ADAMTS9: variants seen among roughly 807,000 people sequenced by gnomAD.
The protein encoded by ADAMTS9 is ADAM metallopeptidase with thrombospondin type 1 motif 9.
Under a neutral mutation model 257.1 loss-of-function variants are expected in ADAMTS9, and 107 were observed. That is an observed-to-expected ratio of 0.42 (90% CI 0.36 to 0.49). The LOEUF is 0.49. Among genes scored for constraint, ADAMTS9 ranks in the 20% least tolerant of loss-of-function variants. ADAMTS9 has a pLI of 0.03. For synonymous variants in ADAMTS9, 982 were observed against 880.9 expected, an observed-to-expected ratio of 1.11 and a Z score of -2.03; for missense variants, 2,353 against 2,469.1, an observed-to-expected ratio of 0.95 and a Z score of 1.00.
intron 4 of ADAMTS9, 96 bp downstream of exon 4, chr3:64,658,406 C>T: frequency 7.7e-7 from 1 of 1,291,946 alleles, no homozygotes; most frequent in South Asian, 1.5e-5. Flanking sequence ...GCTGAAATGC[C>T]AGTTCTGAAT....
chr3:64,578,029 C>T (rs2083897917), intron 28 of ADAMTS9, among the ~76,000 whole-genome samples: 1 of 152,128 alleles, frequency 6.6e-6, no homozygotes, highest in Admixed American at 6.5e-5. Flanking sequence ...CGGGAAGCAG[C>T]TTATGTAATT....
intron 11 of ADAMTS9, among the ~76,000 whole-genome samples, chr3:64,646,901 C>A (rs1187128102): frequency 6.6e-6 from 1 of 152,084 alleles, no homozygotes; most frequent in Non-Finnish European, 1.5e-5. Flanking sequence ...ACAAGTTACT[C>A]ATTGTGAGAC....
chr3:64,574,747 C>T (rs1372160658), intron 28 of ADAMTS9, among the ~76,000 whole-genome samples: 1 of 151,686 alleles, frequency 6.6e-6, no homozygotes, highest in Non-Finnish European at 1.5e-5. Context: ...CCCCTCCCCA[C>T]ACACACACCC....
At chr3:64,594,108 T>C (rs2084315294) in intron 28 of ADAMTS9, 150 bp downstream of exon 28, 2 of 822,012 alleles carry the variant, frequency 2.4e-6, no homozygotes, top group South Asian at 2.2e-5. Context: ...AATTCTATTA[T>C]GTGCCAATAT....
intron 16 of ADAMTS9, among the ~76,000 whole-genome samples, chr3:64,628,021 A>C (rs190694754): frequency 6.6e-6 from 1 of 152,212 alleles, no homozygotes; most frequent in African/African-American, 2.4e-5. Flanking sequence ...TGAGGTTCAA[A>C]GGCTCTGAGG....
chr3:64,620,634 T>C (rs1304627807), intron 19 of ADAMTS9, among the ~76,000 whole-genome samples: 1 of 152,184 alleles, frequency 6.6e-6, no homozygotes, highest in African/African-American at 2.4e-5. Context: ...CAGACATCCA[T>C]ATATACATTT....
rs912893649 is a variant in ADAMTS9 at position 64,568,218 on chromosome 3, C to T, written c.4524+150G>A. ...CAATGTCACACAGCTAGTAAGTATCCTGACTATCTAGGTAATGATTCTCCC... is the reference window on the plus strand; with the variant it reads ...CAATGTCACACAGCTAGTAAGTATCTTGACTATCTAGGTAATGATTCTCCC... On this transcript the variant is annotated intron_variant, in intron 29 of 39. Coordinates refer to ENST00000498707, the MANE Select transcript of ADAMTS9 (RefSeq NM_182920.2). 16 of 758,878 alleles carry T rather than the reference C, an allele frequency of 2.1e-5. No individual in the cohort carries two copies. The African/African-American group carries it at 2.3e-4, about 11-fold the overall frequency. 47.0% of individuals were successfully genotyped at this position (758,878 alleles called of 1,614,324 possible).
At chr3:64,630,640 G>A (rs1217641555) in intron 16 of ADAMTS9, among the ~76,000 whole-genome samples, 1 of 152,150 alleles carries the variant, frequency 6.6e-6, no homozygotes, top group East Asian at 1.9e-4. Context: ...GTGGGCAAGG[G>A]AGAGCATCAG....
At chr3:64,614,186 C>G (rs1051695590) in intron 21 of ADAMTS9, among the ~76,000 whole-genome samples, 6 of 152,154 alleles carry the variant, frequency 3.9e-5, no homozygotes, top group African/African-American at 1.4e-4. Flanking sequence ...CCCATTTTAT[C>G]GCATATTATT....
At chr3:64,647,456 T>C (rs1700826222) in intron 11 of ADAMTS9, among the ~76,000 whole-genome samples, 1 of 152,212 alleles carries the variant, frequency 6.6e-6, no homozygotes, top group Non-Finnish European at 1.5e-5. Context: ...ATATCCTGAA[T>C]GACATTATAG....
chr3:64,529,571 C>T (rs976350151), intron 38 of ADAMTS9, among the ~76,000 whole-genome samples: 3 of 152,108 alleles, frequency 2.0e-5, no homozygotes, highest in African/African-American at 4.8e-5. Context: ...CACAGGCCCT[C>T]GGGGGCCAGA....
At chr3:64,520,744 A>G (rs1261323063) in intron 39 of ADAMTS9, among the ~76,000 whole-genome samples, 1 of 152,238 alleles carries the variant, frequency 6.6e-6, no homozygotes, top group African/African-American at 2.4e-5. Context: ...GGCTAACCAT[A>G]TACAGAAGAA....
At chr3:64,630,494 T>G (rs7626179) in intron 16 of ADAMTS9, among the ~76,000 whole-genome samples, 1 of 152,004 alleles carries the variant, frequency 6.6e-6, no homozygotes, top group African/African-American at 2.4e-5. Flanking sequence ...GGAGGATCAC[T>G]TGAGCCTGGG....
At chr3:64,640,844 G>A (rs376979989) in intron 12 of ADAMTS9, among the ~76,000 whole-genome samples, 35 of 147,016 alleles carry the variant, frequency 2.4e-4, no homozygotes, top group South Asian at 1.4e-3. Flanking sequence ...CCTCCACCCC[G>A]CCCATGTCTG....
At chr3:64,644,100 T>G (rs1559807589) in intron 11 of ADAMTS9, among the ~76,000 whole-genome samples, 1 of 152,344 alleles carries the variant, frequency 6.6e-6, no homozygotes, top group South Asian at 2.1e-4. Flanking sequence ...AGTATACAAC[T>G]TAGCACATGG....
At chr3:64,586,344 T>G (rs2084153265) in intron 28 of ADAMTS9, among the ~76,000 whole-genome samples, 1 of 152,038 alleles carries the variant, frequency 6.6e-6, no homozygotes, top group Admixed American at 6.6e-5. Flanking sequence ...TGTGACAAAT[T>G]AAGTGGGGAA....
chr3:64,615,716 G>A (rs1206954012), intron 20 of ADAMTS9, among the ~76,000 whole-genome samples: 1 of 152,170 alleles, frequency 6.6e-6, no homozygotes, highest in African/African-American at 2.4e-5. Flanking sequence ...GGCTTGTAGA[G>A]TATGCAAAAG....
chr3:64,628,580 C>T (rs1700285769), intron 16 of ADAMTS9, among the ~76,000 whole-genome samples: 1 of 151,228 alleles, frequency 6.6e-6, no homozygotes, highest in Non-Finnish European at 1.5e-5. Context: ...AAATGGATTC[C>T]CCCCCCAAAA....
intron 15 of ADAMTS9, 29 bp from the exon 16 acceptor site, chr3:64,631,579 C>G (rs754160655): frequency 6.4e-7 from 1 of 1,555,294 alleles, no homozygotes; most frequent in Admixed American, 1.7e-5. Flanking sequence ...AAATTCAGTA[C>G]TCCACAGAAT....
Sources: allele counts gnomAD v4.1 joint callset (sites outside exome capture counted in the v4.1 genomes callset), GRCh38; gene constraint gnomAD v4.1.1; transcripts MANE v1.5; gene names NCBI Gene and HGNC (gene_info 2026-07-23, HGNC 2026-07-21).